FAM107A: variants seen among roughly 807,000 people sequenced by gnomAD.
FAM107A encodes the protein actin-associated protein FAM107A.
FAM107A carries 19 observed loss-of-function variants against 13.7 expected under a neutral mutation model. That is an observed-to-expected ratio of 1.38 (90% confidence interval 0.97 to 2.03). The LOEUF (loss-of-function observed/expected upper bound fraction) is 2.03, where lower values mean the gene tolerates loss of function less well. Ranked by LOEUF, FAM107A falls within the 30% of genes most tolerant of loss-of-function variation. FAM107A has a pLI of 0.00. For missense variants in FAM107A, 203 were observed against 184.4 expected, an observed-to-expected ratio of 1.10 and a Z score of -0.58; for synonymous variants, 82 against 74.5, an observed-to-expected ratio of 1.10 and a Z score of -0.52.
At chr3:58,622,951 T>C (rs1003686808) in intron 1 of FAM107A, among the ~76,000 whole-genome samples, 4 of 152,278 alleles carry the variant, frequency 2.6e-5, no homozygotes, top group Non-Finnish European at 5.9e-5. Context: ...AGAGAAGCCG[T>C]CTGAGGCGGT....
chr3:58,577,771 G>A (rs1054823012), upstream of FAM107A: 1 of 982,044 alleles, frequency 1.0e-6, no homozygotes, highest in African/African-American at 1.8e-5. The surrounding 1 kb of genome is among the most constrained non-coding windows in gnomAD (Gnocchi z 4.9). Flanking sequence ...GCAGTGGTGT[G>A]GATTCTTCAG....
At position 58,566,714 on chromosome 3, in the gene FAM107A, G is replaced by A. The variant is rs764672087; in HGVS notation, c.328-19C>T. On this transcript the variant is annotated intron_variant, in intron 3 of 3. Coordinates refer to ENST00000360997, the MANE Select transcript of FAM107A (RefSeq NM_001076778.3). ...TTTCCAGCTGAAGGAGGGAGAAGCAGAGAGTGAAGTGGGTGGAGCTAGGGG... is the reference window on the plus strand; with the variant it reads ...TTTCCAGCTGAAGGAGGGAGAAGCAAAGAGTGAAGTGGGTGGAGCTAGGGG... 22 of 1,584,864 alleles carry A rather than the reference G, an allele frequency of 1.4e-5. No homozygotes were observed. Among genetic ancestry groups the A allele is most frequent in the South Asian group, 1.1e-4 (10 of 90,478 alleles).
At position 58,566,331 on chromosome 3, in the gene FAM107A, C is replaced by G. The variant is rs2063620536; in HGVS notation, c.*257G>C. The G allele has an allele frequency of 4.2e-6, 2 of 472,552 alleles. No individual in the cohort carries two copies. The highest frequency in any genetic ancestry group is 7.5e-6 in the Non-Finnish European group (2 of 267,726). 29.3% of individuals were successfully genotyped at this position (472,552 alleles called of 1,614,324 possible). A position where few individuals can be genotyped will look rare whatever the true frequency, so the allele number is the denominator to read the frequency against. ...CCAGAGAAAGCTCCTGTGCTGGGCT[C>G]TGAACCCCTTGCAGGGAGGGGTGCA... On this transcript the variant is annotated 3_prime_UTR_variant, in exon 4 of 4. Coordinates refer to ENST00000360997, the MANE Select transcript of FAM107A (RefSeq NM_001076778.3).
chr3:58,615,193 C>A (rs1032660181), intron 1 of FAM107A, among the ~76,000 whole-genome samples: 2 of 152,176 alleles, frequency 1.3e-5, no homozygotes, highest in African/African-American at 4.8e-5. Flanking sequence ...TTAAAGGAAC[C>A]AACTTTTGGC....
At chr3:58,620,945 A>G (rs1357590347) in intron 1 of FAM107A, among the ~76,000 whole-genome samples, 1 of 150,248 alleles carries the variant, frequency 6.7e-6, no homozygotes, top group East Asian at 2.0e-4. Flanking sequence ...TCTAGTCCCC[A>G]CTCCTCCTCT....
intron 1 of FAM107A, among the ~76,000 whole-genome samples, chr3:58,585,535 G>A (rs1344477264): frequency 6.6e-6 from 1 of 152,242 alleles, no homozygotes; most frequent in African/African-American, 2.4e-5. Context: ...GGCCGCGCGG[G>A]GCGCGGGGAC....
upstream of FAM107A, chr3:58,577,663 C>T (rs1439712283): frequency 1.3e-5 from 13 of 985,214 alleles, no homozygotes; most frequent in African/African-American, 5.2e-5. This position sits in a 1 kb window ranked among gnomAD's most constrained non-coding sequence, Gnocchi z 4.9. Context: ...CTGAGCAAGG[C>T]GGCTCACGTA....
At chr3:58,570,649 TA>T (rs5849262) in intron 1 of FAM107A, among the ~76,000 whole-genome samples, 23 of 114,786 alleles carry the variant, frequency 2.0e-4, no homozygotes, top group South Asian at 2.6e-4. Context: ...GAGACTGACT[TA>T]AAAAAAAAAA....
intron 1 of FAM107A, among the ~76,000 whole-genome samples, chr3:58,601,855 G>C (rs1392467997): frequency 6.6e-6 from 1 of 152,182 alleles, no homozygotes; most frequent in African/African-American, 2.4e-5. Flanking sequence ...TGGAATTTTG[G>C]CAAAAACTGA....
chr3:58,610,301 G>A (rs906684259), intron 1 of FAM107A, among the ~76,000 whole-genome samples: 6 of 152,184 alleles, frequency 3.9e-5, no homozygotes, highest in African/African-American at 1.2e-4. Flanking sequence ...AAGGCCACAC[G>A]GCTGGCAAGT....
Position 58,577,308 on chromosome 3 carries a change from C to T in FAM107A, c.-6+1G>A. The T allele has an allele frequency of 1.0e-6, 1 of 985,134 alleles. No homozygotes were observed. The highest frequency in any genetic ancestry group is 1.2e-6 in the Non-Finnish European group (1 of 829,690). The allele number at this position is 985,134 out of a possible 1,614,324, so 61.0% of individuals were successfully genotyped here. On this transcript the variant is annotated splice_donor_variant, in intron 1 of 3. Transcript: ENST00000360997. LOFTEE classifies it low-confidence loss of function (5UTR_SPLICE). The surrounding 1 kb of genome is among the most constrained non-coding windows in gnomAD (Gnocchi z 4.9). ...ATGAAACAGAACAGAGATGGTCTTA[C>T]TTCTCAGGTCGAGTCCTTGGGAAGG...
rs775843558 is a variant in FAM107A, at chr3:58,569,842, T to A, written c.19A>T (p.Arg7Trp). The change falls in exon 2 of 4, where the codon AGG becomes TGG. Residue 7 changes from arginine to tryptophan, a missense_variant. Transcript: ENST00000360997. The surrounding 1 kb of genome is among the most constrained non-coding windows in gnomAD (Gnocchi z 5.7). Reference sequence around the variant, plus strand: ...AGGCCCCCAATGTCTGCCCGCTCCCTCTGGATCTCCGAGTACATGGCGGCT... The same window carrying A: ...AGGCCCCCAATGTCTGCCCGCTCCCACTGGATCTCCGAGTACATGGCGGCT... The part of the protein sequence containing the change: MYSEIQ[R>W]ERADIGGLMA... 6.2e-7 allele frequency: 1 copy of A among 1,614,016 alleles called. No individual in the cohort carries two copies. The highest frequency in any genetic ancestry group is 8.5e-7 in the Non-Finnish European group (1 of 1,179,986).
chr3:58,619,577 G>A (rs188787450), intron 1 of FAM107A, among the ~76,000 whole-genome samples: 70 of 152,264 alleles, frequency 4.6e-4, no homozygotes, highest in Non-Finnish European at 7.9e-4. Context: ...ATCCTTCTTC[G>A]TCTTTTACCT....
At chr3:58,608,381 C>T (rs1288426949) in intron 1 of FAM107A, among the ~76,000 whole-genome samples, 1 of 152,148 alleles carries the variant, frequency 6.6e-6, no homozygotes, top group African/African-American at 2.4e-5. Context: ...TCTAAGGTCA[C>T]ATAGCTAGTC....
chr3:58,619,828 T>C (rs2065936422), intron 1 of FAM107A, among the ~76,000 whole-genome samples: 1 of 152,120 alleles, frequency 6.6e-6, no homozygotes, highest in African/African-American at 2.4e-5. Context: ...GGCCAGGAAG[T>C]TGTGCAGGTG....
At chr3:58,591,254 T>C (rs547226229), upstream of FAM107A, among the ~76,000 whole-genome samples, 1 of 152,296 alleles carries the variant, frequency 6.6e-6, no homozygotes, top group East Asian at 1.9e-4. This position sits in a 1 kb window ranked among gnomAD's most constrained non-coding sequence, Gnocchi z 4.3. Flanking sequence ...GGACCACCTG[T>C]GGTCATAAAT....
intron 1 of FAM107A, among the ~76,000 whole-genome samples, chr3:58,610,238 T>C (rs910505658): frequency 3.9e-5 from 6 of 152,008 alleles, no homozygotes; most frequent in African/African-American, 1.4e-4. Context: ...TAAATGGGGG[T>C]TGCCTTTCAT....
upstream of FAM107A, among the ~76,000 whole-genome samples, chr3:58,580,628 G>C (rs544787151): frequency 2.0e-5 from 3 of 151,660 alleles, no homozygotes; most frequent in South Asian, 6.3e-4. Flanking sequence ...TGCCCAGGCT[G>C]GTCTTGAACT....
At chr3:58,575,997 A>G (rs2063727754) in intron 1 of FAM107A, among the ~76,000 whole-genome samples, 1 of 152,270 alleles carries the variant, frequency 6.6e-6, no homozygotes, top group South Asian at 2.1e-4. Flanking sequence ...AGGCTTTCAA[A>G]ATAACGACTG....
Sources: allele counts gnomAD v4.1 joint callset (sites outside exome capture counted in the v4.1 genomes callset), GRCh38; gene constraint gnomAD v4.1.1; non-coding constraint Gnocchi (gnomAD v3.1); transcripts MANE v1.5; gene names NCBI Gene and HGNC (gene_info 2026-07-23, HGNC 2026-07-21).